The following SNTB1 variants were observed in gnomAD, a reference collection of about 807,000 sequenced individuals.
The protein encoded by SNTB1 is syntrophin beta 1.
A neutral mutation model predicts 48.9 loss-of-function variants in SNTB1; 36 were observed. That is an observed-to-expected ratio of 0.74 (90% CI 0.56 to 0.97). The LOEUF (loss-of-function observed/expected upper bound fraction) is 0.97. Among genes scored for constraint, SNTB1 ranks in the 50% least tolerant of loss-of-function variants. The pLI, the probability that SNTB1 is intolerant of heterozygous loss-of-function variation, is 0.00. For missense variants in SNTB1, 786 were observed against 703.4 expected (o/e 1.12, Z -1.33); for synonymous variants, 299 against 294.6 (o/e 1.01, Z -0.15).
chr8:120,650,094 T>C (rs1395312570), intron 2 of SNTB1, among the ~76,000 whole-genome samples: 4 of 152,180 alleles, frequency 2.6e-5, no homozygotes, highest in Non-Finnish European at 5.9e-5. Flanking sequence ...ATGAACCCAG[T>C]ACCTCAGATG....
intron 2 of SNTB1, among the ~76,000 whole-genome samples, chr8:120,648,548 A>T (rs1817344623): frequency 1.3e-5 from 2 of 152,068 alleles, no homozygotes; most frequent in East Asian, 3.9e-4. Flanking sequence ...TGTTAGTCTG[A>T]TGGGCTTCCC....
intron 1 of SNTB1, among the ~76,000 whole-genome samples, chr8:120,714,891 C>T (rs1165058000): frequency 6.6e-6 from 1 of 152,168 alleles, no homozygotes; most frequent in Non-Finnish European, 1.5e-5. Context: ...TCAACACAGG[C>T]CACCTCTGAT....
At chr8:120,725,723 T>C (rs1818742259) in intron 1 of SNTB1, among the ~76,000 whole-genome samples, 2 of 152,182 alleles carry the variant, frequency 1.3e-5, no homozygotes, top group South Asian at 4.1e-4. Context: ...CGTGGAAGTG[T>C]TCCACCATAC....
intron 1 of SNTB1, among the ~76,000 whole-genome samples, chr8:120,727,371 T>C (rs1042625621): frequency 6.6e-6 from 1 of 152,032 alleles, no homozygotes; most frequent in Non-Finnish European, 1.5e-5. Context: ...AGCAGACACG[T>C]TGGGGTCAGC....
At chr8:120,734,255 C>T (rs913692378) in intron 1 of SNTB1, among the ~76,000 whole-genome samples, 51 of 151,938 alleles carry the variant, frequency 3.4e-4, no homozygotes, top group African/African-American at 1.1e-3. Context: ...ACCAGCCTGG[C>T]CAATATGGTG....
chr8:120,583,874 T>C (rs561838928), intron 3 of SNTB1, among the ~76,000 whole-genome samples: 7 of 152,310 alleles, frequency 4.6e-5, no homozygotes, highest in African/African-American at 7.2e-5. Context: ...TCTGAAATTA[T>C]ATTTAAATGG....
chr8:120,677,611 A>AT (rs780253674), intron 2 of SNTB1, among the ~76,000 whole-genome samples: 19 of 150,624 alleles, frequency 1.3e-4, no homozygotes, highest in Middle Eastern at 3.4e-3. Flanking sequence ...GTAGGGCTGG[A>AT]TTTTTTTTTT....
chr8:120,570,843 G>A, intron 4 of SNTB1: 1 of 161,790 alleles, frequency 6.2e-6, no homozygotes, highest in Admixed American at 6.2e-5. Flanking sequence ...TTGTTCCTCT[G>A]GTGAGTTTTC....
intron 4 of SNTB1, among the ~76,000 whole-genome samples, chr8:120,569,465 T>A (rs1421293866): frequency 6.6e-6 from 1 of 152,212 alleles, no homozygotes; most frequent in Non-Finnish European, 1.5e-5. Context: ...CCTCTTCAGT[T>A]CCCATTTACT....
intron 2 of SNTB1, among the ~76,000 whole-genome samples, chr8:120,652,402 C>A (rs1411400724): frequency 1.3e-5 from 2 of 152,116 alleles, no homozygotes; most frequent in Non-Finnish European, 2.9e-5. Flanking sequence ...AAATTCTATT[C>A]CAGGAATAAT....
At chr8:120,805,606 G>A (rs1368388046) in intron 1 of SNTB1, among the ~76,000 whole-genome samples, 1 of 152,136 alleles carries the variant, frequency 6.6e-6, no homozygotes, top group Non-Finnish European at 1.5e-5. Flanking sequence ...ATAAAACTTT[G>A]TTGATAATGT....
intron 1 of SNTB1, among the ~76,000 whole-genome samples, chr8:120,772,989 C>T (rs962950828): frequency 2.0e-5 from 3 of 152,098 alleles, no homozygotes; most frequent in Admixed American, 2.0e-4. Flanking sequence ...GGGAGGTAGT[C>T]CAGTCCCCTA....
chr8:120,802,570 G>T (rs1415939954), intron 1 of SNTB1, among the ~76,000 whole-genome samples: 1 of 152,048 alleles, frequency 6.6e-6, no homozygotes, highest in Non-Finnish European at 1.5e-5. Context: ...CCTCGCCTTG[G>T]TCATTCGTTA....
intron 4 of SNTB1, among the ~76,000 whole-genome samples, chr8:120,553,520 A>C (rs980753251): frequency 6.6e-6 from 1 of 152,204 alleles, no homozygotes; most frequent in Non-Finnish European, 1.5e-5. Context: ...TGTCCTCTGG[A>C]TACAGCATTA....
chr8:120,568,409 C>T (rs188705434), intron 4 of SNTB1, among the ~76,000 whole-genome samples: 6 of 152,256 alleles, frequency 3.9e-5, no homozygotes, highest in African/African-American at 1.4e-4. Flanking sequence ...CTAGGTACAT[C>T]CACAGGGTCT....
At chr8:120,753,480 A>G (rs1212989157) in intron 1 of SNTB1, among the ~76,000 whole-genome samples, 1 of 152,078 alleles carries the variant, frequency 6.6e-6, no homozygotes, top group Non-Finnish European at 1.5e-5. Context: ...TCCTCTTAAG[A>G]CCTGCCCTAT....
chr8:120,777,882 T>C (rs1265226241), intron 1 of SNTB1, among the ~76,000 whole-genome samples: 5 of 152,216 alleles, frequency 3.3e-5, no homozygotes, highest in South Asian at 2.1e-4. Context: ...CAAAGCACTG[T>C]TGAAAGTAAC....
intron 4 of SNTB1, among the ~76,000 whole-genome samples, chr8:120,560,959 C>G (rs188111474): frequency 2.6e-5 from 4 of 152,232 alleles, no homozygotes; most frequent in Admixed American, 6.5e-5. Context: ...TATATGACTA[C>G]AGAGTCCATA....
In SNTB1 at chr8:120,669,636, T is replaced by C. The variant is rs1218371136; in HGVS notation, c.788+24056A>G. ...CCCGGCTAATTTTTTGTATTTTTAGTAGAGACGGGGTTTCACCGTGTTAGC... is the reference window on the plus strand; with the variant it reads ...CCCGGCTAATTTTTTGTATTTTTAGCAGAGACGGGGTTTCACCGTGTTAGC... On this transcript the variant is annotated intron_variant, in intron 2 of 6. Transcript: ENST00000517992. 2.7e-5 allele frequency among the ~76,000 whole-genome samples: 2 copies of C among 72,844 alleles called. 1 individual carries two copies. The highest frequency in any genetic ancestry group is 3.7e-4 in the African/African-American group (2 of 5,474). The allele number at this position is 72,844 out of a possible 152,430, so 47.8% of individuals were successfully genotyped here. A position where few individuals can be genotyped will look rare whatever the true frequency, so the allele number is the denominator to read the frequency against.
Sources: allele counts gnomAD v4.1 joint callset (sites outside exome capture counted in the v4.1 genomes callset), GRCh38; gene constraint gnomAD v4.1.1; transcripts MANE v1.5; gene names NCBI Gene and HGNC (gene_info 2026-07-23, HGNC 2026-07-21).